Variants in CD163L1 observed in about 807,000 individuals in gnomAD.
The protein encoded by CD163L1 is scavenger receptor cysteine-rich type 1 protein M160.
A neutral mutation model predicts 165.4 loss-of-function variants in CD163L1; 124 were observed. The ratio of observed to expected loss-of-function variants is 0.75; its 90% CI spans 0.65 to 0.87. The LOEUF is 0.87. CD163L1 is among the 40% of genes least tolerant of loss of function. CD163L1 has a pLI of 0.00. For missense variants in CD163L1, 1,525 were observed against 1,799.9 expected, an observed-to-expected ratio of 0.85 and a Z score of 2.76; for synonymous variants, 585 against 662.2, an observed-to-expected ratio of 0.88 and a Z score of 1.79.
At chr12:7,412,120 T>C (rs565592273) in intron 4 of CD163L1, among the ~76,000 whole-genome samples, 35 of 152,220 alleles carry the variant, frequency 2.3e-4, no homozygotes, top group Non-Finnish European at 2.9e-5. Context: ...CTTATTTCTA[T>C]AGGACATTCC....
At position 7,403,825 on chromosome 12, in the gene CD163L1, T is replaced by C. The variant is rs755601724; in HGVS notation, c.1118A>G (p.Asp373Gly). The change falls in exon 6 of 20, where the codon GAT becomes GGT. Residue 373 changes from aspartate (D) to glycine (G), a missense_variant. Coordinates refer to ENST00000313599, the MANE Select transcript of CD163L1 (RefSeq NM_174941.6). ...DGADLELRLA[D>G]GSNNCSGRVE... The stretch of plus-strand genomic sequence containing the variant: ...TCTCCCTGAACAATTGTTACTTCCA[T>C]CTGCTAGTCGCAGTTCCAAATCTGC... The C allele has an allele frequency of 1.2e-6, 2 of 1,613,510 alleles. No individual in the cohort carries two copies. Among genetic ancestry groups the C allele is most frequent in the East Asian group, 2.2e-5 (1 of 44,876 alleles).
At chr12:7,407,872 C>T (rs76502535) in intron 4 of CD163L1, among the ~76,000 whole-genome samples, 13,791 of 151,320 alleles carry the variant, frequency 0.091, 1,065 homozygotes, top group African/African-American at 0.2. Context: ...GGTGTGGTTC[C>T]CAGACTCCCA....
rs1023067917 is a variant in CD163L1, at chr12:7,374,534, G to A, written c.3317C>T (p.Thr1106Ile). ...CTGCCACAAGTGGGACTCCATTCCT[G>A]TGCAGTTCAGGTCATCCAGCCAGAT... ...GPIWLDDLNC[T>I]GMESHLWQCP... The change falls in exon 13 of 20, where the codon ACA becomes ATA. Residue 1106 changes from threonine (T) to isoleucine (I), a missense_variant. Physicochemically the swap from Thr to Ile is moderately conservative, Grantham distance 89 (BLOSUM62 -1). Coordinates refer to ENST00000313599, the MANE Select transcript of CD163L1 (RefSeq NM_174941.6). The surrounding 1 kb of genome is among the most constrained non-coding windows in gnomAD (Gnocchi z 5.4). 3.7e-6 allele frequency: 6 copies of A among 1,614,072 alleles called. No homozygotes were observed. In the African/African-American group the frequency reaches 5.3e-5, roughly 14 times the overall value.
chr12:7,369,375 C>A lies in CD163L1; in HGVS notation c.4021G>T (p.Ala1341Ser), dbSNP rs746815420. The change falls in exon 15 of 20, where the codon GCT becomes TCT. Residue 1341 changes from alanine to serine, a missense_variant. Ala to Ser is a moderately conservative substitution (Grantham distance 99). Transcript: ENST00000313599. This position sits in a 1 kb window ranked among gnomAD's most constrained non-coding sequence, Gnocchi z 4.9. ...CACTTACCAGAGCACCTCACGCCAG[C>A]ATCTTCCTTGTGTCCACAGTCACTC... is the stretch of plus-strand genomic sequence containing the variant. Reference protein sequence around the residue: ...GQSDCGHKEDAGVRCSGQSLK... With the variant: ...GQSDCGHKEDSGVRCSGQSLK... 1.2e-6 allele frequency: 2 copies of A among 1,614,122 alleles called. No individual in the cohort carries two copies. The highest frequency in any genetic ancestry group is 3.3e-5 in the Admixed American group (2 of 60,020).
In CD163L1 at chr12:7,398,631, T is replaced by C. The variant is rs1228561193; in HGVS notation, c.1409-47A>G. 6 of 1,474,522 alleles carry C rather than the reference T, an allele frequency of 4.1e-6. No individual in the cohort carries two copies. Among genetic ancestry groups the C allele is most frequent in the Non-Finnish European group, 5.5e-6 (6 of 1,100,094 alleles). The allele number at this position is 1,474,522 out of a possible 1,614,324, so 91.3% of individuals were successfully genotyped here. ...ATATTTGAGATCAAATGAGAGAGTC[T>C]TTTCAGAAGACTGAAAAGACTCTCT... is the stretch of plus-strand genomic sequence containing the variant. On this transcript the variant is annotated intron_variant, in intron 6 of 19. Coordinates refer to ENST00000313599, the MANE Select transcript of CD163L1 (RefSeq NM_174941.6). The surrounding 1 kb of genome is among the most constrained non-coding windows in gnomAD (Gnocchi z 4.5).
intron 4 of CD163L1, among the ~76,000 whole-genome samples, chr12:7,413,812 G>A (rs1591944261): frequency 6.6e-6 from 1 of 152,194 alleles, no homozygotes; most frequent in Non-Finnish European, 1.5e-5. Flanking sequence ...AAAAATAAAT[G>A]GAAATCTCTC....
the CD163L1 span, among the ~76,000 whole-genome samples, chr12:7,335,198 A>G: frequency 2.6e-5 from 4 of 152,340 alleles, no homozygotes; most frequent in African/African-American, 7.2e-5. Flanking sequence ...ATCCTAAGCC[A>G]AAAGAACAAA....
chr12:7,392,372 C>A (rs903113762), intron 8 of CD163L1, among the ~76,000 whole-genome samples: 1 of 152,026 alleles, frequency 6.6e-6, no homozygotes, highest in African/African-American at 2.4e-5. Flanking sequence ...TTCTTTGAAA[C>A]CAACGAGAAC....
rs373294227 is a variant in CD163L1, at chr12:7,375,677, T to C, written c.2686+23A>G. On this transcript the variant is annotated intron_variant, in intron 10 of 19. Transcript: ENST00000313599. ...ACTCCCCATCTCTAGCCCCAGCCAA[T>C]TAAGATTATTTAAAAATCTCACGGG... 20 of 1,612,674 alleles carry C rather than the reference T, an allele frequency of 1.2e-5. No homozygotes were observed. The African/African-American group carries it at 2.7e-4, about 22-fold the overall frequency.
downstream of CD163L1, among the ~76,000 whole-genome samples, chr12:7,354,221 C>T (rs1000435851): frequency 6.6e-6 from 1 of 151,910 alleles, no homozygotes; most frequent in Non-Finnish European, 1.5e-5. Flanking sequence ...GTTTGTTTTA[C>T]ATCTCTTGTA....
At chr12:7,338,963 T>C in the CD163L1 span, among the ~76,000 whole-genome samples, 1 of 152,158 alleles carries the variant, frequency 6.6e-6, no homozygotes, top group Non-Finnish European at 1.5e-5. Flanking sequence ...TTTTTTCTTT[T>C]TGCCATGTTA....
chr12:7,416,957 A>T (rs1004632953), intron 4 of CD163L1, among the ~76,000 whole-genome samples: 1 of 152,180 alleles, frequency 6.6e-6, no homozygotes, highest in Non-Finnish European at 1.5e-5. Context: ...CTGTGAAGAA[A>T]GGCAATGGTA....
intron 2 of CD163L1, among the ~76,000 whole-genome samples, 165 bp from the exon 3 acceptor site, chr12:7,433,859 T>A: frequency 6.6e-6 from 1 of 152,206 alleles, no homozygotes. Context: ...AGCTTTAATT[T>A]TTCATGATAG....
rs934959379 is a variant in CD163L1 at position 7,347,550 on chromosome 12, C to T, written c.*25-403G>A. 6.6e-6 allele frequency among the ~76,000 whole-genome samples: 1 copy of T among 152,086 alleles called. No homozygotes were observed. ...ATCCCAGCACTTTGGGAGGCCGAGG[C>T]AGGTGGATCACGAGGTCAGGAGATC... is the stretch of plus-strand genomic sequence containing the variant. On this transcript the variant is annotated intron_variant, in intron 4 of 4. Transcript: ENST00000539726. The surrounding 1 kb of genome is among the most constrained non-coding windows in gnomAD (Gnocchi z 4.2).
chr12:7,438,893 C>T (rs1008705816), intron 2 of CD163L1: 13 of 1,596,330 alleles, frequency 8.1e-6, no homozygotes, highest in Non-Finnish European at 1.1e-5. Context: ...ACTTTTGCCT[C>T]TGTCTTGATT....
intron 4 of CD163L1, among the ~76,000 whole-genome samples, chr12:7,413,216 C>T (rs1948173224): frequency 6.6e-6 from 1 of 151,740 alleles, no homozygotes; most frequent in Admixed American, 6.6e-5. Flanking sequence ...TTCTAAGTGG[C>T]ACAGCTATGG....
At chr12:7,404,515 C>T (rs961381065) in intron 5 of CD163L1, among the ~76,000 whole-genome samples, 2 of 152,118 alleles carry the variant, frequency 1.3e-5, no homozygotes, top group Non-Finnish European at 2.9e-5. Context: ...TCTTTGTGTT[C>T]CTGTGACTCT....
chr12:7,336,889 C>G, the CD163L1 span, among the ~76,000 whole-genome samples: 1 of 152,056 alleles, frequency 6.6e-6, no homozygotes, highest in Non-Finnish European at 1.5e-5. Flanking sequence ...AAGAGCAAAG[C>G]TGGAGGCATC....
At chr12:7,320,853 C>A in the CD163L1 span, 1 of 1,446,444 alleles carries the variant, frequency 6.9e-7, no homozygotes. Flanking sequence ...AGCTACCATC[C>A]AGGATCACAG....
Sources: gnomAD v4.1 joint callset for allele counts (sites outside exome capture counted in the v4.1 genomes callset) on GRCh38, gnomAD v4.1.1 for gene constraint, Gnocchi (gnomAD v3.1) non-coding constraint, MANE v1.5 for transcripts, NCBI Gene and HGNC (gene_info 2026-07-23, HGNC 2026-07-21) for gene names.